CSMD1: variants seen among roughly 807,000 people sequenced by gnomAD.
CSMD1 encodes the protein CUB and Sushi multiple domains 1, also known as CUB and sushi domain-containing protein 1.
Under a neutral mutation model 417.5 loss-of-function variants are expected in CSMD1, and 213 were observed. That is an observed-to-expected ratio of 0.51 (90% CI 0.46 to 0.57). The LOEUF (loss-of-function observed/expected upper bound fraction) is 0.57, where lower values mean the gene tolerates loss of function less well. CSMD1 is among the 20% of genes least tolerant of loss of function. The pLI is 0.00. For missense variants in CSMD1, 6,923 were observed against 4,529.7 expected, an observed-to-expected ratio of 1.53 and a Z score of -15.17; for synonymous variants, 2,862 against 1,736.8, an observed-to-expected ratio of 1.65 and a Z score of -16.11.
intron 2 of CSMD1, among the ~76,000 whole-genome samples, chr8:4,536,745 AT>A (rs1258268166): frequency 1.3e-5 from 2 of 152,220 alleles, no homozygotes; most frequent in African/African-American, 4.8e-5. Context: ...AACAGCATAT[AT>A]TTTTGAATAG....
intron 2 of CSMD1, among the ~76,000 whole-genome samples, chr8:4,599,527 A>C (rs969281375): frequency 6.6e-6 from 1 of 151,906 alleles, no homozygotes; most frequent in African/African-American, 2.4e-5. Context: ...TTTTTACACT[A>C]AGTGCACAAT....
chr8:3,341,150 G>C (rs1398515680), intron 23 of CSMD1, among the ~76,000 whole-genome samples: 3 of 152,160 alleles, frequency 2.0e-5, no homozygotes, highest in Admixed American at 2.0e-4. Context: ...GTGGGGTCCA[G>C]GCAGGGCTGA....
intron 5 of CSMD1, among the ~76,000 whole-genome samples, chr8:3,825,022 C>T (rs890663456): frequency 6.6e-6 from 1 of 152,092 alleles, no homozygotes; most frequent in Non-Finnish European, 1.5e-5. Flanking sequence ...GCAGGAAATG[C>T]TAGCACTTTT....
At chr8:4,564,502 C>A (rs899669765) in intron 2 of CSMD1, among the ~76,000 whole-genome samples, 2 of 152,102 alleles carry the variant, frequency 1.3e-5, no homozygotes, top group Non-Finnish European at 2.9e-5. Context: ...CCATGACATA[C>A]TTTATCTATT....
chr8:4,120,977 T>C (rs1802453822), intron 3 of CSMD1, among the ~76,000 whole-genome samples: 1 of 152,220 alleles, frequency 6.6e-6, no homozygotes, highest in South Asian at 2.1e-4. Flanking sequence ...ATGGACAAAC[T>C]ATACATGAAA....
At chr8:4,133,761 GAT>G (rs1411977077) in intron 3 of CSMD1, among the ~76,000 whole-genome samples, 4 of 151,870 alleles carry the variant, frequency 2.6e-5, no homozygotes, top group Admixed American at 6.6e-5. Context: ...TTATATCCCT[GAT>G]AATCTGATTT....
At chr8:3,706,441 G>C (rs915273602) in intron 7 of CSMD1, among the ~76,000 whole-genome samples, 3 of 152,104 alleles carry the variant, frequency 2.0e-5, no homozygotes, top group African/African-American at 7.2e-5. Flanking sequence ...ATCTTAGAAG[G>C]CTCAAGGTTT....
rs182219792 is a variant in CSMD1, at chr8:3,383,258, T to C, written c.2782+4236A>G. Among the ~76,000 whole-genome samples, 330 of 152,356 alleles carry C rather than the reference T, an allele frequency of 2.2e-3. 1 individual carries two copies. The highest frequency in any genetic ancestry group is 4.2e-3 in the Non-Finnish European group (289 of 68,034). On this transcript the variant is annotated intron_variant, in intron 18 of 69. Transcript: ENST00000635120. ...CGCATCAAATTGTTCACATTAAACA[T>C]GCAGTTTACTGCATTTCAGTCACAC...
intron 2 of CSMD1, among the ~76,000 whole-genome samples, chr8:4,439,476 T>G (rs1798337871): frequency 6.6e-6 from 1 of 152,122 alleles, no homozygotes; most frequent in Non-Finnish European, 1.5e-5. Context: ...TTTTCCTACT[T>G]TCTTCCGTTT....
chr8:3,835,272 T>C (rs12541994), intron 5 of CSMD1, among the ~76,000 whole-genome samples: 2 of 151,894 alleles, frequency 1.3e-5, no homozygotes, highest in African/African-American at 2.4e-5. Context: ...TGCACACATA[T>C]GTTTACTGCG....
intron 7 of CSMD1, among the ~76,000 whole-genome samples, chr8:3,686,408 G>A (rs1050621851): frequency 1.3e-5 from 2 of 152,070 alleles, no homozygotes; most frequent in South Asian, 2.1e-4. Flanking sequence ...TGCATCCTGC[G>A]TGACTTCTCT....
intron 2 of CSMD1, among the ~76,000 whole-genome samples, chr8:4,478,441 G>A (rs1365929132): frequency 6.6e-6 from 1 of 152,068 alleles, no homozygotes. Flanking sequence ...AGTCACAAAT[G>A]CCTTTAGATA....
At chr8:4,727,619 A>C (rs1421050492) in intron 1 of CSMD1, among the ~76,000 whole-genome samples, 1 of 152,112 alleles carries the variant, frequency 6.6e-6, no homozygotes, top group South Asian at 2.1e-4. Context: ...TTCCAAGTTT[A>C]TATTTCCGTG....
At chr8:3,275,479 T>G (rs866659881) in intron 26 of CSMD1, among the ~76,000 whole-genome samples, 30 of 152,334 alleles carry the variant, frequency 2.0e-4, no homozygotes, top group Middle Eastern at 3.4e-3. Flanking sequence ...TTGACCTGCC[T>G]TGCTAGATTG....
intron 30 of CSMD1, among the ~76,000 whole-genome samples, chr8:3,206,567 G>A (rs200706912): frequency 1.6e-4 from 2 of 12,216 alleles, no homozygotes; most frequent in African/African-American, 4.8e-4. Flanking sequence ...GTGTGTGTAT[G>A]TGTGTGTGTG....
chr8:3,416,646 C>T (rs1813170291), intron 12 of CSMD1, among the ~76,000 whole-genome samples: 1 of 152,176 alleles, frequency 6.6e-6, no homozygotes, highest in African/African-American at 2.4e-5. Flanking sequence ...CAGGGAGTTG[C>T]CTGGTCCTTT....
chr8:3,312,947 G>T (rs761804829), intron 23 of CSMD1, among the ~76,000 whole-genome samples: 15 of 152,176 alleles, frequency 9.9e-5, no homozygotes, highest in Non-Finnish European at 2.2e-4. Context: ...TACTTGCTGT[G>T]TGTTTAAAGA....
At chr8:4,006,495 G>T (rs988360872) in intron 4 of CSMD1, among the ~76,000 whole-genome samples, 1 of 152,162 alleles carries the variant, frequency 6.6e-6, no homozygotes, top group African/African-American at 2.4e-5. Flanking sequence ...AGTGAGCCAA[G>T]ATCACCCCAC....
chr8:4,972,827 G>C (rs181442123), intron 1 of CSMD1, among the ~76,000 whole-genome samples: 16 of 152,202 alleles, frequency 1.1e-4, no homozygotes, highest in Non-Finnish European at 2.2e-4. Flanking sequence ...TCTATTTCCT[G>C]AATATTGCCC....
Sources: gnomAD v4.1 joint callset for allele counts (sites outside exome capture counted in the v4.1 genomes callset) on GRCh38, gnomAD v4.1.1 for gene constraint, MANE v1.5 for transcripts, NCBI Gene and HGNC (gene_info 2026-07-23, HGNC 2026-07-21) for gene names.